Variants in FTO observed in about 807,000 individuals in gnomAD.
FTO encodes FTO alpha-ketoglutarate dependent dioxygenase, also known as alpha-ketoglutarate-dependent dioxygenase FTO.
A neutral mutation model predicts 63.9 loss-of-function variants in FTO; 47 were observed. The ratio of observed to expected loss-of-function variants is 0.74; its 90% CI spans 0.58 to 0.94. The LOEUF is 0.94. FTO is among the 40% of genes least tolerant of loss of function. FTO has a pLI of 0.00. For synonymous variants in FTO, 207 were observed against 224.4 expected, an observed-to-expected ratio of 0.92 and a Z score of 0.69; for missense variants, 562 against 618.1, an observed-to-expected ratio of 0.91 and a Z score of 0.96.
intron 1 of FTO, among the ~76,000 whole-genome samples, chr16:53,794,127 A>G (rs572328143): frequency 3.3e-5 from 5 of 152,338 alleles, no homozygotes; most frequent in East Asian, 3.9e-4. Context: ...GACATGTACC[A>G]TAGCATTTTT....
intron 8 of FTO, among the ~76,000 whole-genome samples, chr16:54,105,014 A>T (rs1349171224): frequency 6.6e-6 from 1 of 152,198 alleles, no homozygotes; most frequent in African/African-American, 2.4e-5. Flanking sequence ...GAGTGCTTTT[A>T]TATGTGTTAT....
intron 7 of FTO, among the ~76,000 whole-genome samples, chr16:53,906,357 C>T (rs1312693185): frequency 6.6e-6 from 1 of 152,118 alleles, no homozygotes; most frequent in Non-Finnish European, 1.5e-5. Flanking sequence ...TGACTTCTCA[C>T]CAAGTTAGAT....
chr16:53,780,285 G>A (rs945157378), intron 1 of FTO, among the ~76,000 whole-genome samples: 2 of 151,986 alleles, frequency 1.3e-5, no homozygotes, highest in East Asian at 3.9e-4. Flanking sequence ...TGTACCAGCT[G>A]TTCTTCCTGC....
In FTO at chr16:53,931,728, G is replaced by A. The variant is rs553318352; in HGVS notation, c.1240-2257G>A. On this transcript the variant is annotated intron_variant, in intron 7 of 8. Coordinates refer to ENST00000471389, the MANE Select transcript of FTO (RefSeq NM_001080432.3). ...TAATGCTCAGACCTCTCTGAAATTA[G>A]ACATCTTTTAGATTAGAGATCACAA... 4.6e-5 allele frequency among the ~76,000 whole-genome samples: 7 copies of A among 152,268 alleles called. No homozygotes were observed. In the East Asian group the frequency reaches 1.3e-3, roughly 29 times the overall value.
At chr16:53,911,577 C>G (rs2081706846) in intron 7 of FTO, 1 of 675,106 alleles carries the variant, frequency 1.5e-6, no homozygotes, top group Admixed American at 2.1e-5. Context: ...AGAAACCATT[C>G]TGTGTGGCAC....
chr16:54,066,054 C>T (rs991241104), intron 8 of FTO, among the ~76,000 whole-genome samples: 2 of 152,214 alleles, frequency 1.3e-5, no homozygotes, highest in African/African-American at 2.4e-5. Flanking sequence ...TCTTGATCCT[C>T]CTAACCCAGT....
chr16:53,943,071 CT>C (rs1212442231), intron 8 of FTO, among the ~76,000 whole-genome samples: 3 of 152,190 alleles, frequency 2.0e-5, no homozygotes, highest in Non-Finnish European at 4.4e-5. Context: ...ACAGTCTCTG[CT>C]TTTTGCTGCC....
chr16:53,904,021 CAT>C (rs1055719708), intron 7 of FTO, among the ~76,000 whole-genome samples: 10 of 151,240 alleles, frequency 6.6e-5, no homozygotes, highest in Admixed American at 6.6e-5. Flanking sequence ...CATATATAAA[CAT>C]AGACAATATA....
At chr16:53,726,363 A>G (rs2076153596) in intron 1 of FTO, among the ~76,000 whole-genome samples, 1 of 152,208 alleles carries the variant, frequency 6.6e-6, no homozygotes, top group Admixed American at 6.5e-5. Flanking sequence ...ACTTTCCTAG[A>G]AAATCTGTAT....
intron 8 of FTO, among the ~76,000 whole-genome samples, chr16:53,964,831 C>G (rs1285051228): frequency 6.6e-6 from 1 of 152,152 alleles, no homozygotes; most frequent in Non-Finnish European, 1.5e-5. Context: ...AGCCTTATAT[C>G]AGCTCAAAGG....
At chr16:53,730,727 G>T (rs945593345) in intron 1 of FTO, among the ~76,000 whole-genome samples, 1 of 151,980 alleles carries the variant, frequency 6.6e-6, no homozygotes, top group Admixed American at 6.6e-5. Flanking sequence ...GAACTCCTGG[G>T]CTCAAGCGAT....
At chr16:54,017,215 A>G (rs1282291574) in intron 8 of FTO, among the ~76,000 whole-genome samples, 3 of 152,230 alleles carry the variant, frequency 2.0e-5, no homozygotes, top group African/African-American at 4.8e-5. Flanking sequence ...AGAAGCATCC[A>G]TCAATTTTTT....
intron 8 of FTO, among the ~76,000 whole-genome samples, chr16:53,939,224 C>T (rs1479480493): frequency 1.3e-5 from 2 of 152,136 alleles, no homozygotes; most frequent in Non-Finnish European, 2.9e-5. Flanking sequence ...TATTTTTCAT[C>T]AAGGTTTTGG....
intron 7 of FTO, among the ~76,000 whole-genome samples, chr16:53,915,954 G>A (rs767427188): frequency 6.6e-5 from 10 of 152,178 alleles, no homozygotes; most frequent in East Asian, 1.9e-4. Flanking sequence ...CATGCCAACC[G>A]CAGCAGTAGT....
chr16:53,844,556 T>C (rs2079566990), intron 4 of FTO, among the ~76,000 whole-genome samples: 1 of 152,106 alleles, frequency 6.6e-6, no homozygotes, highest in Non-Finnish European at 1.5e-5. Flanking sequence ...ACCTCCTGGA[T>C]TCAAGCAATT....
At chr16:53,890,030 G>A (rs1396737780) in intron 7 of FTO, among the ~76,000 whole-genome samples, 1 of 152,096 alleles carries the variant, frequency 6.6e-6, no homozygotes, top group Non-Finnish European at 1.5e-5. Flanking sequence ...TAATAGGTGA[G>A]GGAGCTGGAA....
chr16:53,750,820 A>C (rs2076771687), intron 1 of FTO, among the ~76,000 whole-genome samples: 1 of 152,210 alleles, frequency 6.6e-6, no homozygotes, highest in Non-Finnish European at 1.5e-5. Context: ...ACACAGTAGA[A>C]GATCACAGCA....
At chr16:53,950,131 G>GA (rs200840818) in intron 8 of FTO, among the ~76,000 whole-genome samples, 3 of 42,318 alleles carry the variant, frequency 7.1e-5, no homozygotes, top group African/African-American at 1.6e-4. Flanking sequence ...CATTTGGCAG[G>GA]AAAAAAAAAG....
intron 8 of FTO, among the ~76,000 whole-genome samples, chr16:54,054,313 C>G (rs1377240383): frequency 2.0e-5 from 3 of 152,132 alleles, no homozygotes; most frequent in Non-Finnish European, 4.4e-5. Context: ...CTCAATTCAA[C>G]TAGAAACTGT....
Sources: allele counts gnomAD v4.1 joint callset (sites outside exome capture counted in the v4.1 genomes callset), GRCh38; gene constraint gnomAD v4.1.1; transcripts MANE v1.5; gene names NCBI Gene and HGNC (gene_info 2026-07-23, HGNC 2026-07-21).